SHISA9: variants seen among roughly 807,000 people sequenced by gnomAD.
The protein encoded by SHISA9 is shisa family member 9, also known as protein shisa-9.
Under a neutral mutation model 38.0 loss-of-function variants are expected in SHISA9, and 13 were observed. The ratio of observed to expected loss-of-function variants is 0.34; its 90% CI spans 0.22 to 0.54. The LOEUF is 0.54. Among genes scored for constraint, SHISA9 ranks in the 20% least tolerant of loss-of-function variants. The pLI is 0.91. For synonymous variants in SHISA9, 275 were observed against 242.0 expected (o/e 1.14, Z -1.27); for missense variants, 538 against 575.8 (o/e 0.93, Z 0.67).
At chr16:13,531,397 C>A in the SHISA9 span, among the ~76,000 whole-genome samples, 1 of 152,088 alleles carries the variant, frequency 6.6e-6, no homozygotes, top group East Asian at 1.9e-4. Flanking sequence ...AAGTGCTTAC[C>A]ATATTTAAAT....
intron 2 of SHISA9, among the ~76,000 whole-genome samples, chr16:13,148,397 C>G (rs534808218): frequency 2.0e-5 from 3 of 152,146 alleles, no homozygotes; most frequent in East Asian, 3.9e-4. Context: ...ATGACACACC[C>G]ACACAATCCA....
At chr16:13,561,246 A>G in the SHISA9 span, among the ~76,000 whole-genome samples, 1 of 152,214 alleles carries the variant, frequency 6.6e-6, no homozygotes, top group Non-Finnish European at 1.5e-5. Context: ...TATTAGTCCC[A>G]GAATATTAGA....
chr16:13,126,282 G>A (rs909886230), intron 2 of SHISA9, among the ~76,000 whole-genome samples: 3 of 152,134 alleles, frequency 2.0e-5, no homozygotes, highest in African/African-American at 7.2e-5. Flanking sequence ...GTCATGATCT[G>A]TTTTCCTCTT....
intron 2 of SHISA9, among the ~76,000 whole-genome samples, chr16:13,064,802 GA>G (rs932500001): frequency 3.1e-4 from 40 of 127,790 alleles, no homozygotes; most frequent in South Asian, 1.0e-3. Context: ...AAAAAAAAAA[GA>G]AAAAAAGAGA....
the SHISA9 span, among the ~76,000 whole-genome samples, chr16:13,513,622 G>C: frequency 1.3e-5 from 2 of 152,228 alleles, no homozygotes; most frequent in Admixed American, 6.5e-5. Context: ...TAAAGAAAAT[G>C]TGGTACATAC....
chr16:13,240,572 A>G (rs2051427300), downstream of SHISA9, among the ~76,000 whole-genome samples: 1 of 152,216 alleles, frequency 6.6e-6, no homozygotes. Context: ...TAACAGCAAC[A>G]TATACACATT....
At chr16:13,496,118 T>G in the SHISA9 span, among the ~76,000 whole-genome samples, 1 of 152,024 alleles carries the variant, frequency 6.6e-6, no homozygotes, top group Non-Finnish European at 1.5e-5. Flanking sequence ...CATGATAAGG[T>G]TTCAGCATTT....
the SHISA9 span, among the ~76,000 whole-genome samples, chr16:13,477,419 C>T: frequency 6.6e-6 from 1 of 152,158 alleles, no homozygotes; most frequent in Non-Finnish European, 1.5e-5. Context: ...CTAAGGCAGA[C>T]AGAGCAATCC....
At chr16:13,362,681 T>G in the SHISA9 span, among the ~76,000 whole-genome samples, 1 of 152,272 alleles carries the variant, frequency 6.6e-6, no homozygotes, top group East Asian at 1.9e-4. Flanking sequence ...TCCCTAAGCC[T>G]TATCCCATAT....
the SHISA9 span, among the ~76,000 whole-genome samples, chr16:13,341,426 C>T: frequency 6.6e-6 from 1 of 151,986 alleles, no homozygotes; most frequent in South Asian, 2.1e-4. Context: ...TTTCATGCTG[C>T]TGTAAGGAGA....
chr16:13,492,367 G>A, the SHISA9 span, among the ~76,000 whole-genome samples: 1 of 152,128 alleles, frequency 6.6e-6, no homozygotes, highest in Non-Finnish European at 1.5e-5. Context: ...GAGAGCCTCT[G>A]GGTCACTTTG....
chr16:13,381,867 C>G, the SHISA9 span, among the ~76,000 whole-genome samples: 2 of 151,878 alleles, frequency 1.3e-5, no homozygotes, highest in East Asian at 3.9e-4. Context: ...ATCTTTAGAA[C>G]TAATTATGTG....
chr16:13,399,881 T>C, the SHISA9 span, among the ~76,000 whole-genome samples: 2 of 152,314 alleles, frequency 1.3e-5, no homozygotes, highest in East Asian at 3.9e-4. Flanking sequence ...AGCATGAATG[T>C]AGAAGATACT....
At chr16:13,532,624 A>G in the SHISA9 span, among the ~76,000 whole-genome samples, 3 of 151,524 alleles carry the variant, frequency 2.0e-5, no homozygotes, top group Non-Finnish European at 4.4e-5. Context: ...GAGAGCAGTT[A>G]TTGTTTTTAC....
chr16:13,055,838 C>T (rs780229365), intron 2 of SHISA9, among the ~76,000 whole-genome samples: 17 of 152,312 alleles, frequency 1.1e-4, no homozygotes, highest in South Asian at 2.1e-4. Context: ...TAAGAAATCT[C>T]GTGCTTAGGT....
At chr16:13,424,851 G>A in the SHISA9 span, among the ~76,000 whole-genome samples, 4 of 152,144 alleles carry the variant, frequency 2.6e-5, no homozygotes. Context: ...TAAGGCTTTG[G>A]CCTATTCTCC....
chr16:13,174,302 T>G (rs1375530490), intron 2 of SHISA9, among the ~76,000 whole-genome samples: 2 of 152,192 alleles, frequency 1.3e-5, no homozygotes, highest in Non-Finnish European at 2.9e-5. Flanking sequence ...TCCTGCCTTA[T>G]GCTGGGCTCT....
At chr16:12,957,691 T>C (rs1298316701) in intron 2 of SHISA9, among the ~76,000 whole-genome samples, 11 of 152,196 alleles carry the variant, frequency 7.2e-5, no homozygotes, top group Admixed American at 7.2e-4. Flanking sequence ...GACAGGCTTC[T>C]ATAACAAAAT....
At chr16:12,982,906 C>T (rs906489246) in intron 2 of SHISA9, among the ~76,000 whole-genome samples, 2 of 152,176 alleles carry the variant, frequency 1.3e-5, no homozygotes, top group Admixed American at 1.3e-4. Flanking sequence ...TCTAGCTGTC[C>T]TGATTCTGTA....
Sources: gnomAD v4.1 joint callset for allele counts (sites outside exome capture counted in the v4.1 genomes callset) on GRCh38, gnomAD v4.1.1 for gene constraint, MANE v1.5 for transcripts, NCBI Gene and HGNC (gene_info 2026-07-23, HGNC 2026-07-21) for gene names.